Variants in MEOX2 observed in about 807,000 individuals in gnomAD.
MEOX2 encodes the protein homeobox protein MOX-2.
A neutral mutation model predicts 27.0 loss-of-function variants in MEOX2; 11 were observed. The ratio of observed to expected loss-of-function variants is 0.41; its 90% CI spans 0.26 to 0.68. The LOEUF is 0.68. Among genes scored for constraint, MEOX2 ranks in the 30% least tolerant of loss-of-function variants. The pLI is 0.33. For synonymous variants in MEOX2, 189 were observed against 155.4 expected (o/e 1.22, Z -1.61); for missense variants, 436 against 385.4 (o/e 1.13, Z -1.10).
chr7:15,643,045 T>C (rs143602061), intron 1 of MEOX2, among the ~76,000 whole-genome samples: 210 of 152,274 alleles, frequency 1.4e-3, no homozygotes, highest in African/African-American at 4.7e-3. Flanking sequence ...CTGTCAACAA[T>C]TATATTGGGT....
At chr7:15,658,547 A>G (rs745838731) in intron 1 of MEOX2, among the ~76,000 whole-genome samples, 1 of 152,184 alleles carries the variant, frequency 6.6e-6, no homozygotes, top group Non-Finnish European at 1.5e-5. Flanking sequence ...GCAAAAAGAG[A>G]ACTCACGATC....
At chr7:15,624,106 T>A (rs1029997177) in intron 2 of MEOX2, among the ~76,000 whole-genome samples, 3 of 152,244 alleles carry the variant, frequency 2.0e-5, no homozygotes, top group African/African-American at 4.8e-5. Context: ...AGATTGTTAC[T>A]TACTTAAGAA....
intron 1 of MEOX2, among the ~76,000 whole-genome samples, chr7:15,661,964 CT>C (rs1181728043): frequency 6.6e-6 from 1 of 152,020 alleles, no homozygotes; most frequent in Non-Finnish European, 1.5e-5. Flanking sequence ...ATAAAATAAA[CT>C]TGTTTTGTAT....
At chr7:15,649,755 A>G (rs1781707966) in intron 1 of MEOX2, among the ~76,000 whole-genome samples, 2 of 152,076 alleles carry the variant, frequency 1.3e-5, no homozygotes, top group South Asian at 2.1e-4. Context: ...TGTGACAGCA[A>G]TGAGTATGGG....
intron 1 of MEOX2, among the ~76,000 whole-genome samples, chr7:15,667,308 A>AAAAAAAAAAAAAAAAAC: frequency 6.8e-6 from 1 of 147,976 alleles, no homozygotes; most frequent in African/African-American, 2.5e-5. Context: ...AAAAAAAAAA[A>AAAAAAAAAAAAAAAAAC]AAAAGTAGGA....
Position 15,622,747 on chromosome 7 carries a change from T to C in MEOX2, c.690+3999A>G, listed in dbSNP as rs181516081. 2.6e-5 allele frequency among the ~76,000 whole-genome samples: 4 copies of C among 152,280 alleles called. No individual in the cohort carries two copies. In the East Asian group the frequency reaches 7.7e-4, roughly 29 times the overall value. The stretch of plus-strand genomic sequence containing the variant: ...TCTAAGTAATGGAATAGCCATGCTA[T>C]GGTCTAAATATTTATGTCTCCTCCA... On this transcript the variant is annotated intron_variant, in intron 2 of 2. Coordinates refer to ENST00000262041, the MANE Select transcript of MEOX2 (RefSeq NM_005924.5).
chr7:15,665,428 C>T (rs1781985485), intron 1 of MEOX2, among the ~76,000 whole-genome samples: 1 of 152,122 alleles, frequency 6.6e-6, no homozygotes, highest in African/African-American at 2.4e-5. Flanking sequence ...CAAGAAAACC[C>T]TGAAACTCCA....
intron 1 of MEOX2, among the ~76,000 whole-genome samples, chr7:15,644,199 A>G (rs1244532875): frequency 6.6e-6 from 1 of 152,020 alleles, no homozygotes; most frequent in East Asian, 1.9e-4. Flanking sequence ...TTTTCATTGT[A>G]GCTGCCCAGC....
Position 15,686,470 on chromosome 7 carries a change from C to T in MEOX2, c.-68G>A, listed in dbSNP as rs1011020620. The T allele has an allele frequency of 1.5e-6, 2 of 1,372,296 alleles. No homozygotes were observed. The highest frequency in any genetic ancestry group is 1.5e-5 in the African/African-American group (1 of 65,466). 85.0% of individuals were successfully genotyped at this position (1,372,296 alleles called of 1,614,324 possible). ...TTCCAAAGGCCACCACCCTCTGTCA[C>T]TTTTTCACTGGAAACCGTGTGATTT... is the stretch of plus-strand genomic sequence containing the variant. On this transcript the variant is annotated 5_prime_UTR_variant, in exon 1 of 3. In the 5' UTR this introduces an upstream ATG that the reference lacks. Transcript: ENST00000262041.
chr7:15,660,454 A>G (rs1198468648), intron 1 of MEOX2, among the ~76,000 whole-genome samples: 1 of 139,446 alleles, frequency 7.2e-6, no homozygotes, highest in East Asian at 1.9e-4. Flanking sequence ...CTTTGGCACT[A>G]TGGACCTTCT....
At chr7:15,652,099 G>T (rs1781740328) in intron 1 of MEOX2, among the ~76,000 whole-genome samples, 1 of 152,024 alleles carries the variant, frequency 6.6e-6, no homozygotes, top group Non-Finnish European at 1.5e-5. Context: ...AGGGATTTAA[G>T]ACTCAATTGC....
intron 1 of MEOX2, among the ~76,000 whole-genome samples, chr7:15,642,192 C>T (rs1301049274): frequency 3.9e-5 from 6 of 152,136 alleles, no homozygotes; most frequent in Non-Finnish European, 7.4e-5. Flanking sequence ...TGAATTATCC[C>T]TTCAAACATG....
At chr7:15,624,591 T>C (rs1781269389) in intron 2 of MEOX2, among the ~76,000 whole-genome samples, 1 of 152,116 alleles carries the variant, frequency 6.6e-6, no homozygotes, top group Non-Finnish European at 1.5e-5. Context: ...CAAGCTAGCC[T>C]ATAAGAAGAT....
At chr7:15,635,202 A>G (rs905797395) in intron 1 of MEOX2, among the ~76,000 whole-genome samples, 1 of 151,946 alleles carries the variant, frequency 6.6e-6, no homozygotes, top group Non-Finnish European at 1.5e-5. Flanking sequence ...ACCAATGGTC[A>G]CAGATAGTCA....
chr7:15,612,586 C>T lies in MEOX2; in HGVS notation c.716G>A (p.Arg239Gln), dbSNP rs1320459432. 6.2e-7 allele frequency: 1 copy of T among 1,614,056 alleles called. No homozygotes were observed. The highest frequency in any genetic ancestry group is 1.7e-5 in the Admixed American group (1 of 60,008). Residue 239 changes from arginine (R) to glutamine (Q), a missense_variant, in exon 3 of 3, where the codon CGG (arginine) becomes CAG (glutamine). Arg to Gln is a conservative substitution (Grantham distance 43). Transcript: ENST00000262041. ...RQVKVWFQNR[R>Q]MKWKRVKGGQ... is the part of the protein sequence containing the mutation. ...ACCCTTTACCCTCTTCCACTTCATCCGCCTGTTTTGGAACCAGACTTTCAC... is the reference window on the plus strand; with the variant it reads ...ACCCTTTACCCTCTTCCACTTCATCTGCCTGTTTTGGAACCAGACTTTCAC...
intron 1 of MEOX2, among the ~76,000 whole-genome samples, chr7:15,655,851 A>T (rs1398681444): frequency 6.6e-6 from 1 of 151,774 alleles, no homozygotes; most frequent in African/African-American, 2.4e-5. Context: ...TATTCTATAC[A>T]TGTCCATTAG....
At chr7:15,624,575 G>T (rs1781268983) in intron 2 of MEOX2, among the ~76,000 whole-genome samples, 1 of 152,040 alleles carries the variant, frequency 6.6e-6, no homozygotes, top group African/African-American at 2.4e-5. Flanking sequence ...ACCATTGGAA[G>T]GATCCCAAGC....
rs530205825 is a variant in MEOX2, at chr7:15,668,101, G to T, written c.517+17785C>A. 3.3e-5 allele frequency: 5 copies of T among 152,290 alleles called. No individual in the cohort carries two copies. In the South Asian group the frequency reaches 1.0e-3, roughly 32 times the overall value. The allele number at this position is 152,290 out of a possible 1,614,324, so 9.4% of individuals were successfully genotyped here. ...ACCTATTTCTACTGTGTACTAACAT[G>T]CATTTAACTACAGTTGACCTTTGAA... On this transcript the variant is annotated intron_variant, in intron 1 of 2. Transcript: ENST00000262041.
At chr7:15,634,727 C>A (rs1030927295) in intron 1 of MEOX2, among the ~76,000 whole-genome samples, 1 of 151,890 alleles carries the variant, frequency 6.6e-6, no homozygotes, top group Non-Finnish European at 1.5e-5. Context: ...TGTAAATAAT[C>A]CCACCTTTAT....
Sources: gnomAD v4.1 joint callset for allele counts (sites outside exome capture counted in the v4.1 genomes callset) on GRCh38, gnomAD v4.1.1 for gene constraint, MANE v1.5 for transcripts, NCBI Gene and HGNC (gene_info 2026-07-23, HGNC 2026-07-21) for gene names.